Variants in FLRT2 observed in about 807,000 individuals in gnomAD.
The protein encoded by FLRT2 is leucine-rich repeat transmembrane protein FLRT2.
In FLRT2, 15 loss-of-function variants were observed where a neutral mutation model predicts 40.0. That is an observed-to-expected ratio of 0.38 (90% CI 0.25 to 0.58). FLRT2 has a LOEUF of 0.58. Ranked by LOEUF, FLRT2 falls within the 20% of genes least tolerant of loss-of-function variation. The pLI, the probability that FLRT2 is intolerant of heterozygous loss-of-function variation, is 0.71. For missense variants in FLRT2, 726 were observed against 840.0 expected, an observed-to-expected ratio of 0.86 and a Z score of 1.68; for synonymous variants, 380 against 336.8, an observed-to-expected ratio of 1.13 and a Z score of -1.41.
At position 85,616,320 on chromosome 14, in the gene FLRT2, CAA is replaced by C. The variant is rs59010798; in HGVS notation, c.-376-4806_-376-4805del. On this transcript the variant is annotated intron_variant, in intron 1 of 1. Transcript: ENST00000330753. ...CACAAACAGGGAAATATTTAAAAGA[CAA>C]AAAAAAAAAAAACCCTTTTCCTTTT... 2.7e-3 allele frequency among the ~76,000 whole-genome samples: 348 copies of C among 127,656 alleles called. 2 individuals carry two copies. The highest frequency in any genetic ancestry group is 9.5e-3 in the African/African-American group (324 of 33,978). 83.7% of individuals were successfully genotyped at this position (127,656 alleles called of 152,430 possible).
Position 85,541,971 on chromosome 14 carries a change from C to T in FLRT2, c.-377+11437C>T, listed in dbSNP as rs566042372. ...TTTTTATCAAAATGAATTTTAACAACTTTCCTCACACAATTCACTTTATAC... is the reference window on the plus strand; with the variant it reads ...TTTTTATCAAAATGAATTTTAACAATTTTCCTCACACAATTCACTTTATAC... On this transcript the variant is annotated intron_variant, in intron 1 of 1. Coordinates refer to ENST00000330753, the MANE Select transcript of FLRT2 (RefSeq NM_013231.6). 2.0e-5 allele frequency among the ~76,000 whole-genome samples: 3 copies of T among 152,254 alleles called. No homozygotes were observed. The East Asian group carries it at 5.8e-4, about 29-fold the overall frequency.
chr14:85,605,314 C>T (rs565921429), intron 1 of FLRT2, among the ~76,000 whole-genome samples: 1 of 152,134 alleles, frequency 6.6e-6, no homozygotes. Flanking sequence ...GTGCTCAACA[C>T]TTTTGCTTGA....
rs1894291918 is a variant in FLRT2, at chr14:85,645,986, A to G, written c.*22489A>G. ...TGGAAAGGACAACTATCCATATTGA[A>G]ATAGACAATTACTCTGTATATAGAT... On this transcript the variant is annotated 3_prime_UTR_variant, in exon 2 of 2. Transcript: ENST00000330753. The G allele has an allele frequency of 6.6e-6, 1 of 151,536 alleles. No homozygotes were observed. Among genetic ancestry groups the G allele is most frequent in the Non-Finnish European group, 1.5e-5 (1 of 67,990 alleles). The allele number at this position is 151,536 out of a possible 1,614,324, so 9.4% of individuals were successfully genotyped here.
rs1893694706 is a variant in FLRT2 at position 85,626,656 on chromosome 14, C to T, written c.*3159C>T. 6.0e-6 allele frequency: 1 copy of T among 167,126 alleles called. No homozygotes were observed. Among genetic ancestry groups the T allele is most frequent in the African/African-American group, 2.4e-5 (1 of 41,474 alleles). The allele number at this position is 167,126 out of a possible 1,614,324, so 10.4% of individuals were successfully genotyped here. A position where few individuals can be genotyped will look rare whatever the true frequency, so the allele number is the denominator to read the frequency against. On this transcript the variant is annotated 3_prime_UTR_variant, in exon 2 of 2. Coordinates refer to ENST00000330753, the MANE Select transcript of FLRT2 (RefSeq NM_013231.6). ...CGTCAGATGCATTAGCAGCCCACTGCATGGGACAATCGCAGGCAGATACGA... is the reference window on the plus strand; with the variant it reads ...CGTCAGATGCATTAGCAGCCCACTGTATGGGACAATCGCAGGCAGATACGA...
At chr14:85,615,516 C>T (rs533420992) in intron 1 of FLRT2, among the ~76,000 whole-genome samples, 1 of 152,062 alleles carries the variant, frequency 6.6e-6, no homozygotes, top group South Asian at 2.1e-4. Flanking sequence ...TCTCCTTTCC[C>T]TTGTTTCTTT....
At chr14:85,605,868 T>A (rs1164678448) in intron 1 of FLRT2, among the ~76,000 whole-genome samples, 1 of 152,234 alleles carries the variant, frequency 6.6e-6, no homozygotes, top group East Asian at 1.9e-4. Flanking sequence ...TTTTCATCTA[T>A]ATATTTCCAT....
rs1566774561 is a variant in FLRT2, at chr14:85,643,357, TCCTTC to T, written c.*19862_*19866del. The T allele has an allele frequency of 2.4e-5, 3 of 126,418 alleles. No homozygotes were observed. The highest frequency in any genetic ancestry group is 4.9e-5 in the Non-Finnish European group (3 of 61,528). 7.8% of individuals were successfully genotyped at this position (126,418 alleles called of 1,614,324 possible). A position where few individuals can be genotyped will look rare whatever the true frequency, so the allele number is the denominator to read the frequency against. On this transcript the variant is annotated 3_prime_UTR_variant, in exon 2 of 2. Coordinates refer to ENST00000330753, the MANE Select transcript of FLRT2 (RefSeq NM_013231.6). ...TTTCTTTCTTTCTTTCTTTCTTTCT[TCCTTC>T]CTTCCTTCCTTCCTTTCTTTCCTTT...
intron 1 of FLRT2, among the ~76,000 whole-genome samples, chr14:85,587,839 T>G (rs1175137636): frequency 6.6e-6 from 1 of 152,220 alleles, no homozygotes; most frequent in Admixed American, 6.5e-5. Flanking sequence ...AATGCTGTAT[T>G]GTCTAATCAC....
chr14:85,573,474 C>T (rs1890990349), intron 1 of FLRT2, among the ~76,000 whole-genome samples: 1 of 152,180 alleles, frequency 6.6e-6, no homozygotes. Flanking sequence ...GAGGTAATTT[C>T]TGAATCAGAT....
chr14:85,588,186 A>T (rs1891716693), intron 1 of FLRT2, among the ~76,000 whole-genome samples: 1 of 152,218 alleles, frequency 6.6e-6, no homozygotes, highest in South Asian at 2.1e-4. Flanking sequence ...ACTTAAAATT[A>T]GTGCCTATTT....
intron 1 of FLRT2, among the ~76,000 whole-genome samples, chr14:85,577,535 G>A (rs533448307): frequency 3.3e-5 from 5 of 152,038 alleles, no homozygotes; most frequent in Admixed American, 2.6e-4. Flanking sequence ...TTTTAGTCTG[G>A]CTATTAGCCT....
chr14:85,554,263 G>T (rs561325903), intron 1 of FLRT2, among the ~76,000 whole-genome samples: 117 of 152,234 alleles, frequency 7.7e-4, no homozygotes, highest in African/African-American at 2.6e-3. Context: ...TCTTCCTAAG[G>T]TATTTAACAA....
chr14:85,544,234 G>A (rs1889145776), intron 1 of FLRT2, among the ~76,000 whole-genome samples: 1 of 152,212 alleles, frequency 6.6e-6, no homozygotes, highest in Non-Finnish European at 1.5e-5. Flanking sequence ...TCAGCAGCAA[G>A]CTTTCCAAAC....
chr14:85,552,816 G>A (rs1889720547), intron 1 of FLRT2: 1 of 152,128 alleles, frequency 6.6e-6, no homozygotes, highest in Non-Finnish European at 1.5e-5. Context: ...AGGTATTCCT[G>A]CAATCCTTCC....
In FLRT2 at chr14:85,648,634, C is replaced by G. The variant is rs1348744630; in HGVS notation, c.*25137C>G. 6.6e-6 allele frequency: 1 copy of G among 152,066 alleles called. No individual in the cohort carries two copies. Among genetic ancestry groups the G allele is most frequent in the East Asian group, 1.9e-4 (1 of 5,180 alleles). 9.4% of individuals were successfully genotyped at this position (152,066 alleles called of 1,614,324 possible). ...CTCTTTTAGTTCTTCCTATAATTTT[C>G]TAAGTGTATAATTGCCCATTTTCCC... On this transcript the variant is annotated 3_prime_UTR_variant, in exon 2 of 2. Transcript: ENST00000330753.
intron 1 of FLRT2, among the ~76,000 whole-genome samples, chr14:85,563,374 C>T (rs1890461456): frequency 6.6e-6 from 1 of 152,162 alleles, no homozygotes; most frequent in Non-Finnish European, 1.5e-5. Context: ...AGTTTGTTCT[C>T]ACACTGCTGT....
intron 1 of FLRT2, among the ~76,000 whole-genome samples, chr14:85,535,386 A>C (rs1257955477): frequency 6.7e-6 from 1 of 150,214 alleles, no homozygotes; most frequent in Non-Finnish European, 1.5e-5. Context: ...TTTGAGGTAA[A>C]TAGAATGCAG....
At chr14:85,556,251 A>G (rs1329146048) in intron 1 of FLRT2, among the ~76,000 whole-genome samples, 1 of 152,212 alleles carries the variant, frequency 6.6e-6, no homozygotes, top group Non-Finnish European at 1.5e-5. Context: ...ATAGGGGTAT[A>G]TGCATGGCAC....
At chr14:85,535,463 A>T (rs1888591621) in intron 1 of FLRT2, among the ~76,000 whole-genome samples, 1 of 152,060 alleles carries the variant, frequency 6.6e-6, no homozygotes. Context: ...TCCGTATTTG[A>T]AGTGTTAGAA....
Sources: allele counts gnomAD v4.1 joint callset (sites outside exome capture counted in the v4.1 genomes callset), GRCh38; gene constraint gnomAD v4.1.1; transcripts MANE v1.5; gene names NCBI Gene and HGNC (gene_info 2026-07-23, HGNC 2026-07-21).